The following AGMO variants were observed in gnomAD, a reference collection of about 807,000 sequenced individuals.
AGMO encodes the protein glyceryl-ether monooxygenase.
AGMO carries 75 observed loss-of-function variants against 60.2 expected under a neutral mutation model. The ratio of observed to expected loss-of-function variants is 1.25; its 90% CI spans 1.03 to 1.51. The LOEUF is 1.51. Among genes scored for constraint, AGMO ranks in the 40% most tolerant of loss-of-function variants. The probability of loss-of-function intolerance (pLI) is 0.00; values close to 1 mark genes in which losing one functional copy is unlikely to be tolerated. For synonymous variants in AGMO, 261 were observed against 177.1 expected (o/e 1.47, Z -3.76); for missense variants, 763 against 525.5 (o/e 1.45, Z -4.42).
At chr7:15,341,823 C>T (rs1030430765) in intron 12 of AGMO, among the ~76,000 whole-genome samples, 1 of 152,090 alleles carries the variant, frequency 6.6e-6, no homozygotes, top group Admixed American at 6.6e-5. Flanking sequence ...TCTTTCAAGG[C>T]AGCTAGCAAG....
intron 10 of AGMO, among the ~76,000 whole-genome samples, chr7:15,383,925 A>G (rs1425040950): frequency 1.3e-5 from 2 of 151,708 alleles, no homozygotes; most frequent in Non-Finnish European, 2.9e-5. Context: ...TGATTAATTT[A>G]GTCCATCTAT....
At chr7:15,393,312 A>C (rs1342224356) in intron 6 of AGMO, among the ~76,000 whole-genome samples, 7 of 152,194 alleles carry the variant, frequency 4.6e-5, no homozygotes. Context: ...AACTTATAGA[A>C]ACAGAACAAT....
intron 12 of AGMO, among the ~76,000 whole-genome samples, chr7:15,251,838 T>A (rs1470320723): frequency 6.6e-6 from 1 of 152,220 alleles, no homozygotes; most frequent in Admixed American, 6.5e-5. Context: ...CAGGAATTAA[T>A]GTTGCCTTTA....
chr7:15,344,470 C>A (rs1781964493), intron 12 of AGMO, among the ~76,000 whole-genome samples: 1 of 152,096 alleles, frequency 6.6e-6, no homozygotes, highest in African/African-American at 2.4e-5. Context: ...GAGGCCGAGG[C>A]AGATGGACTG....
At chr7:15,316,195 G>A (rs1260847261) in intron 12 of AGMO, among the ~76,000 whole-genome samples, 1 of 152,080 alleles carries the variant, frequency 6.6e-6, no homozygotes, top group African/African-American at 2.4e-5. Context: ...GTAATGGAGA[G>A]GACAGAACAC....
At chr7:15,498,049 T>C (rs1783280739) in intron 3 of AGMO, among the ~76,000 whole-genome samples, 1 of 152,022 alleles carries the variant, frequency 6.6e-6, no homozygotes, top group South Asian at 2.1e-4. Flanking sequence ...ATTAGCTCGG[T>C]TCCCCTCAGT....
At position 15,412,714 on chromosome 7, in the gene AGMO, G is replaced by T. The variant is rs575378485; in HGVS notation, c.609+5844C>A. On this transcript the variant is annotated intron_variant, in intron 5 of 12. Transcript: ENST00000342526. ...AAAAAAAAAAAAAAAAAAAGACAAG[G>T]CTTGCCCTAAAATTGAAGATCACCA... Among the ~76,000 whole-genome samples the T allele has an allele frequency of 4.1e-5, 6 of 146,922 alleles. No individual in the cohort carries two copies. In the South Asian group the frequency reaches 1.1e-3, roughly 26 times the overall value.
chr7:15,510,175 T>C (rs534935463), intron 3 of AGMO, among the ~76,000 whole-genome samples: 1 of 152,074 alleles, frequency 6.6e-6, no homozygotes, highest in Non-Finnish European at 1.5e-5. Context: ...CATCTTTTGT[T>C]TTGTTTTTGA....
At chr7:15,220,749 C>T (rs1781894239) in intron 12 of AGMO, among the ~76,000 whole-genome samples, 1 of 151,852 alleles carries the variant, frequency 6.6e-6, no homozygotes, top group African/African-American at 2.4e-5. Flanking sequence ...AAGCCCAGAA[C>T]TGGAAATTGG....
At chr7:15,269,507 A>G (rs1189073786) in intron 12 of AGMO, among the ~76,000 whole-genome samples, 1 of 152,062 alleles carries the variant, frequency 6.6e-6, no homozygotes, top group Non-Finnish European at 1.5e-5. Flanking sequence ...AAGGTTAGAT[A>G]GGGGTGCATG....
intron 12 of AGMO, among the ~76,000 whole-genome samples, chr7:15,202,646 G>GA (rs1337205839): frequency 6.6e-6 from 1 of 151,772 alleles, no homozygotes; most frequent in African/African-American, 2.4e-5. Context: ...CCCACAATAT[G>GA]AAAAAATACT....
chr7:15,190,676 T>G, the AGMO span, among the ~76,000 whole-genome samples: 1 of 152,304 alleles, frequency 6.6e-6, no homozygotes, highest in Non-Finnish European at 1.5e-5. Context: ...AAATAAAACC[T>G]TATTAATTCA....
intron 10 of AGMO, among the ~76,000 whole-genome samples, chr7:15,381,991 T>A (rs920164205): frequency 6.6e-6 from 1 of 151,872 alleles, no homozygotes; most frequent in Non-Finnish European, 1.5e-5. Context: ...CATGGACACG[T>A]AAGAGGAACA....
At chr7:15,330,521 G>GC (rs1448519371) in intron 12 of AGMO, among the ~76,000 whole-genome samples, 3 of 152,114 alleles carry the variant, frequency 2.0e-5, no homozygotes, top group Non-Finnish European at 4.4e-5. Context: ...TTGGATTTGT[G>GC]TTACTAGAAA....
chr7:15,295,903 A>G (rs1203227608), intron 12 of AGMO, among the ~76,000 whole-genome samples: 2 of 152,158 alleles, frequency 1.3e-5, no homozygotes, highest in Non-Finnish European at 2.9e-5. Context: ...ACAGAGCTCA[A>G]TGTTATCCTT....
chr7:15,175,521 CTTAT>C, the AGMO span, among the ~76,000 whole-genome samples: 8 of 151,914 alleles, frequency 5.3e-5, no homozygotes, highest in South Asian at 1.2e-3. Context: ...TTTCTATATA[CTTAT>C]TTATTTTTGG....
rs1323264848 is a variant in AGMO at position 15,322,709 on chromosome 7, TATATAA to T, written c.1263+42799_1263+42804del. On this transcript the variant is annotated intron_variant, in intron 12 of 12. Coordinates refer to ENST00000342526, the MANE Select transcript of AGMO (RefSeq NM_001004320.2). Reference sequence around the variant, plus strand: ...ATAAATATATGAATATGTATAAATATATATAAATATATAAATATATATATAAATATA... The same window carrying T: ...ATAAATATATGAATATGTATAAATATATATATAAATATATATATAAATATA... Among the ~76,000 whole-genome samples the T allele has an allele frequency of 2.1e-4, 9 of 43,448 alleles. 2 individuals carry two copies. The highest frequency in any genetic ancestry group is 1.1e-3 in the East Asian group (2 of 1,844). The allele number at this position is 43,448 out of a possible 152,430, so 28.5% of individuals were successfully genotyped here. A position where few individuals can be genotyped will look rare whatever the true frequency, so the allele number is the denominator to read the frequency against.
chr7:15,394,244 G>C, intron 5 of AGMO, 65 bp from the exon 6 acceptor site: 2 of 1,168,384 alleles, frequency 1.7e-6, no homozygotes, highest in South Asian at 1.3e-5. Context: ...GTATATAAAT[G>C]CTCACATTAG....
intron 12 of AGMO, chr7:15,358,376 A>G (rs1159682427): frequency 4.3e-6 from 2 of 469,916 alleles, no homozygotes; most frequent in Non-Finnish European, 4.4e-6. Context: ...AGACGAGATG[A>G]TAACGTGGAA....
Sources: gnomAD v4.1 joint callset for allele counts (sites outside exome capture counted in the v4.1 genomes callset) on GRCh38, gnomAD v4.1.1 for gene constraint, MANE v1.5 for transcripts, NCBI Gene and HGNC (gene_info 2026-07-23, HGNC 2026-07-21) for gene names.